HPF1: variants seen among roughly 807,000 people sequenced by gnomAD.
The protein encoded by HPF1 is histone PARylation factor 1, also known as UPF0609 protein C4orf27.
Under a neutral mutation model 38.8 loss-of-function variants are expected in HPF1, and 35 were observed. That is an observed-to-expected ratio of 0.90 (90% CI 0.69 to 1.19). The LOEUF (loss-of-function observed/expected upper bound fraction) is 1.19, where lower values mean the gene tolerates loss of function less well. Among genes scored for constraint, HPF1 ranks in the 50% most tolerant of loss-of-function variants. The pLI is 0.00. For missense variants in HPF1, 367 were observed against 405.8 expected, an observed-to-expected ratio of 0.90 and a Z score of 0.82; for synonymous variants, 115 against 139.2, an observed-to-expected ratio of 0.83 and a Z score of 1.22.
At chr4:169,752,202 GCT>G (rs1194408982) in intron 2 of HPF1, among the ~76,000 whole-genome samples, 2 of 117,158 alleles carry the variant, frequency 1.7e-5, no homozygotes, top group African/African-American at 6.6e-5. Context: ...ATGGAGTCTC[GCT>G]CTGTCACCCA....
At position 169,729,702 on chromosome 4, in the gene HPF1, T is replaced by A. The variant is rs375900595; in HGVS notation, c.917A>T (p.His306Leu). The A allele has an allele frequency of 2.2e-5, 33 of 1,500,782 alleles. No individual in the cohort carries two copies. Among genetic ancestry groups the A allele is most frequent in the Non-Finnish European group, 2.8e-5 (32 of 1,123,890 alleles). The allele number at this position is 1,500,782 out of a possible 1,614,324, so 93.0% of individuals were successfully genotyped here. A position where few individuals can be genotyped will look rare whatever the true frequency, so the allele number is the denominator to read the frequency against. Residue 306 changes from histidine to leucine, a missense_variant, in exon 8 of 8, where the codon CAT becomes CTT. His to Leu is a moderately conservative substitution (Grantham distance 99, BLOSUM62 -3). Coordinates refer to ENST00000393381, the MANE Select transcript of HPF1 (RefSeq NM_017867.3). ...AGGTAAAAGCTGGCCAGCAACTTTA[T>A]GAAAATACTGAAAAATAAAAATATA... ...DLFCYGSHYF[H>L]KVAGQLLPLA...
chr4:169,730,551 C>A (rs948902899), intron 7 of HPF1, among the ~76,000 whole-genome samples: 1 of 152,216 alleles, frequency 6.6e-6, no homozygotes, highest in Admixed American at 6.5e-5. Flanking sequence ...CGACCAGGAG[C>A]ATCAACTTCA....
chr4:169,755,761 C>T (rs552214947), intron 1 of HPF1, among the ~76,000 whole-genome samples: 17 of 152,214 alleles, frequency 1.1e-4, no homozygotes, highest in Admixed American at 3.9e-4. Context: ...GGAGATAAGC[C>T]TATTTTTAAA....
Position 169,742,533 on chromosome 4 carries a change from C to CT in HPF1, c.498-427dup, listed in dbSNP as rs1307738678. On this transcript the variant is annotated intron_variant, in intron 4 of 7. Transcript: ENST00000393381. ...TCAGGCAAGGCGCAGTGGCTCACGC[C>CT]TGTAATCCCAGCACTTTGGGAGGCC... Among the ~76,000 whole-genome samples, 4 of 152,320 alleles carry CT rather than the reference C, an allele frequency of 2.6e-5. No homozygotes were observed. The South Asian group carries it at 8.3e-4, about 32-fold the overall frequency.
intron 3 of HPF1, among the ~76,000 whole-genome samples, chr4:169,749,298 G>A (rs534821426): frequency 6.6e-6 from 1 of 152,248 alleles, no homozygotes; most frequent in African/African-American, 2.4e-5. Context: ...AGTTTAGTAG[G>A]TAGCATCCTC....
chr4:169,735,390 T>C (rs1733879793), intron 6 of HPF1, among the ~76,000 whole-genome samples: 1 of 152,238 alleles, frequency 6.6e-6, no homozygotes, highest in Non-Finnish European at 1.5e-5. Context: ...TTAGTTGTGA[T>C]TTGCTAATCA....
chr4:169,734,189 C>T (rs1733865796), intron 6 of HPF1, among the ~76,000 whole-genome samples: 1 of 152,194 alleles, frequency 6.6e-6, no homozygotes, highest in African/African-American at 2.4e-5. Flanking sequence ...AGCTTCATGA[C>T]ATTCCTTTCT....
intron 6 of HPF1, among the ~76,000 whole-genome samples, chr4:169,734,216 T>G (rs1196532998): frequency 6.6e-6 from 1 of 152,218 alleles, no homozygotes; most frequent in African/African-American, 2.4e-5. Flanking sequence ...AAATCAGTGC[T>G]GATCATTTCA....
At chr4:169,749,720 C>CAAAAAAAAAAAAAAAAA (rs11413826) in intron 3 of HPF1, among the ~76,000 whole-genome samples, 2 of 127,300 alleles carry the variant, frequency 1.6e-5, no homozygotes, top group Non-Finnish European at 3.3e-5. Context: ...TACTCAAATA[C>CAAAAAAAAAAAAAAAAA]AAAAAAAAAA....
chr4:169,748,675 CA>C, intron 4 of HPF1, 68 bp downstream of exon 4: 2 of 760,626 alleles, frequency 2.6e-6, no homozygotes, highest in Non-Finnish European at 2.1e-6. Flanking sequence ...CCCAGCCCCT[CA>C]AACCCCCTTT....
At chr4:169,735,585 G>A (rs935406347) in intron 6 of HPF1, among the ~76,000 whole-genome samples, 3 of 152,106 alleles carry the variant, frequency 2.0e-5, no homozygotes, top group African/African-American at 7.2e-5. Context: ...CTACCGCAGG[G>A]TAACAGGCTT....
intron 4 of HPF1, among the ~76,000 whole-genome samples, chr4:169,746,995 A>T (rs1467567036): frequency 0.061 from 9,226 of 150,392 alleles, 1,000 homozygotes; most frequent in African/African-American, 0.21. Flanking sequence ...CTTTTTTTAA[A>T]AAAAAAAAAA....
intron 5 of HPF1, among the ~76,000 whole-genome samples, chr4:169,739,761 T>C (rs1733942792): frequency 6.6e-6 from 1 of 152,216 alleles, no homozygotes; most frequent in South Asian, 2.1e-4. Flanking sequence ...AGCACAGTAT[T>C]CTGCAGCCGC....
Position 169,757,910 on chromosome 4 carries a change from T to G in HPF1, c.-33A>C, listed in dbSNP as rs749117667. 88 of 1,537,044 alleles carry G rather than the reference T, an allele frequency of 5.7e-5. No individual in the cohort carries two copies. Among genetic ancestry groups the G allele is most frequent in the Non-Finnish European group, 7.0e-5 (80 of 1,146,242 alleles). On this transcript the variant is annotated 5_prime_UTR_variant, in exon 1 of 8. Coordinates refer to ENST00000393381, the MANE Select transcript of HPF1 (RefSeq NM_017867.3). The stretch of plus-strand genomic sequence containing the variant: ...CTGCAGCGCCAGCAGAATTCCCCGA[T>G]CCGCGGCCGCTTCCGAGCGCCGCCA...
chr4:169,746,992 T>A (rs2331723), intron 4 of HPF1, among the ~76,000 whole-genome samples: 99,288 of 142,528 alleles, frequency 0.7, 37,501 homozygotes, highest in East Asian at 0.85. Context: ...TATCTTTTTT[T>A]AAAAAAAAAA....
chr4:169,752,847 A>G (rs1196176544), intron 2 of HPF1, among the ~76,000 whole-genome samples: 1 of 152,160 alleles, frequency 6.6e-6, no homozygotes, highest in Non-Finnish European at 1.5e-5. Context: ...CCTGCAACAC[A>G]TGAAAGAGCT....
At chr4:169,751,144 A>G (rs778162158) in intron 2 of HPF1, among the ~76,000 whole-genome samples, 96 of 152,064 alleles carry the variant, frequency 6.3e-4, no homozygotes, top group Non-Finnish European at 2.2e-4. Flanking sequence ...GGTCGCTCAC[A>G]CCTGTAATCC....
At chr4:169,748,865 A>C in intron 3 of HPF1, 23 bp from the exon 4 acceptor site, 1 of 1,060,690 alleles carries the variant, frequency 9.4e-7, no homozygotes, top group Non-Finnish European at 1.4e-6. Flanking sequence ...AAGACATTAA[A>C]AATTTAGCTG....
chr4:169,737,289 CAAAAAAAAAA>C (rs35524684), intron 6 of HPF1, among the ~76,000 whole-genome samples: 1 of 108,512 alleles, frequency 9.2e-6, no homozygotes, highest in Non-Finnish European at 1.8e-5. Context: ...CACTCCGTCT[CAAAAAAAAAA>C]AAAAAAAACA....
Sources: gnomAD v4.1 joint callset for allele counts (sites outside exome capture counted in the v4.1 genomes callset) on GRCh38, gnomAD v4.1.1 for gene constraint, MANE v1.5 for transcripts, NCBI Gene and HGNC (gene_info 2026-07-23, HGNC 2026-07-21) for gene names.